SLC45A2: variants seen among roughly 807,000 people sequenced by gnomAD.
SLC45A2 encodes solute carrier family 45 member 2, also known as membrane-associated transporter protein.
A neutral mutation model predicts 45.5 loss-of-function variants in SLC45A2; 36 were observed. That is an observed-to-expected ratio of 0.79 (90% CI 0.61 to 1.04). SLC45A2 has a LOEUF of 1.04. Among genes scored for constraint, SLC45A2 ranks in the 50% least tolerant of loss-of-function variants. The pLI is 0.00. For synonymous variants in SLC45A2, 306 were observed against 269.3 expected, an observed-to-expected ratio of 1.14 and a Z score of -1.33; for missense variants, 719 against 671.0, an observed-to-expected ratio of 1.07 and a Z score of -0.79.
chr5:33,963,925 C>G lies in SLC45A2; in HGVS notation c.654G>C (p.Met218Ile). The G allele has an allele frequency of 1.9e-6, 3 of 1,614,172 alleles. No homozygotes were observed. The highest frequency in any genetic ancestry group is 1.6e-4 in the Middle Eastern group (1 of 6,062). Reference protein sequence around the residue: ...GRLLGTEFQVMFFFSALVLTL... With the variant: ...GRLLGTEFQVIFFFSALVLTL... ...TGAGCACCAATGCAGAGAAGAAGAACATGACCTGGAATTCTGTACCCAACA... is the reference window on the plus strand; with the variant it reads ...TGAGCACCAATGCAGAGAAGAAGAAGATGACCTGGAATTCTGTACCCAACA... The change falls in exon 3 of 7, where the codon ATG becomes ATC. Residue 218 changes from methionine (M) to isoleucine (I), a missense_variant. By Grantham distance (10) the Met-to-Ile change is conservative. Coordinates refer to ENST00000296589, the MANE Select transcript of SLC45A2 (RefSeq NM_016180.5).
At chr5:33,960,657 G>A (rs1752425777) in intron 3 of SLC45A2, among the ~76,000 whole-genome samples, 1 of 152,184 alleles carries the variant, frequency 6.6e-6, no homozygotes, top group South Asian at 2.1e-4. Context: ...ATTGGGTGCA[G>A]TGTGTACTGC....
chr5:33,971,111 C>T (rs1324413289), intron 2 of SLC45A2: 17 of 525,782 alleles, frequency 3.2e-5, no homozygotes, highest in Non-Finnish European at 2.7e-5. Flanking sequence ...TGGGAGTTGT[C>T]GTCGACAGCT....
chr5:33,971,296 G>A, intron 2 of SLC45A2: 1 of 522,446 alleles, frequency 1.9e-6, no homozygotes, highest in East Asian at 5.4e-5. Flanking sequence ...TGGGAATTGA[G>A]GGGTTACCAC....
At chr5:33,978,864 A>G (rs1753000248) in intron 2 of SLC45A2, among the ~76,000 whole-genome samples, 1 of 152,218 alleles carries the variant, frequency 6.6e-6, no homozygotes, top group African/African-American at 2.4e-5. Context: ...ACTTCTTCAA[A>G]TATTTTAATT....
chr5:33,947,230 A>G lies in SLC45A2; in HGVS notation c.1301T>C (p.Met434Thr), dbSNP rs1297747750. ...TLVLCSLFGV[M>T]SSTLYTVPFN... ...GGGCACAGTGTACAGGGTGCTGGAC[A>G]TTACACCAAACAGGCTGCACAGGAC... Residue 434 changes from methionine (M) to threonine (T), a missense_variant, in exon 6 of 7, where the codon ATG (methionine) becomes ACG (threonine). Coordinates refer to ENST00000296589, the MANE Select transcript of SLC45A2 (RefSeq NM_016180.5). 1.2e-6 allele frequency: 2 copies of G among 1,614,204 alleles called. No individual in the cohort carries two copies. Among genetic ancestry groups the G allele is most frequent in the Admixed American group, 1.7e-5 (1 of 60,026 alleles).
chr5:33,976,273 C>G (rs1752927092), intron 2 of SLC45A2, among the ~76,000 whole-genome samples: 2 of 152,156 alleles, frequency 1.3e-5, no homozygotes, highest in African/African-American at 4.8e-5. Context: ...CCAAAAAGAT[C>G]ATTAAAGTGC....
At chr5:33,967,486 G>A (rs1752633163) in intron 2 of SLC45A2, among the ~76,000 whole-genome samples, 1 of 152,186 alleles carries the variant, frequency 6.6e-6, no homozygotes, top group Non-Finnish European at 1.5e-5. Flanking sequence ...CACCAATGCT[G>A]CTGGGCCAAG....
chr5:33,947,402 C>T, intron 5 of SLC45A2, 28 bp from the exon 6 acceptor site: 1 of 1,588,104 alleles, frequency 6.3e-7, no homozygotes, highest in Non-Finnish European at 8.6e-7. Flanking sequence ...GGAGAAATTA[C>T]AGCTGGCAGT....
chr5:33,962,035 T>G (rs1362312889), intron 3 of SLC45A2, among the ~76,000 whole-genome samples: 2 of 152,248 alleles, frequency 1.3e-5, no homozygotes, highest in South Asian at 4.1e-4. Context: ...TAAGAAGACT[T>G]TCCCTTCCTA....
intron 2 of SLC45A2, chr5:33,970,769 A>G (rs938850761): frequency 3.9e-6 from 1 of 254,212 alleles, no homozygotes; most frequent in African/African-American, 2.2e-5. Context: ...AGTGGTGGTC[A>G]ATGAACAGGA....
chr5:33,972,492 GA>G, intron 2 of SLC45A2: 1 of 245,072 alleles, frequency 4.1e-6, no homozygotes. Flanking sequence ...GGAGACCTGA[GA>G]AATGCTTGTA....
At chr5:33,968,054 G>A (rs930807624) in intron 2 of SLC45A2, among the ~76,000 whole-genome samples, 25 of 151,684 alleles carry the variant, frequency 1.6e-4, no homozygotes, top group Non-Finnish European at 3.5e-4. Context: ...AGTACAACAC[G>A]ACATGCCAGG....
intron 2 of SLC45A2, among the ~76,000 whole-genome samples, chr5:33,973,868 G>A (rs1752852633): frequency 2.1e-5 from 1 of 47,962 alleles, no homozygotes; most frequent in African/African-American, 4.2e-5. Context: ...CCCTTGCAAG[G>A]TGGTTATTAA....
intron 2 of SLC45A2, among the ~76,000 whole-genome samples, chr5:33,976,058 C>A (rs920460307): frequency 6.6e-6 from 1 of 152,200 alleles, no homozygotes; most frequent in African/African-American, 2.4e-5. Context: ...CCAGCAGACA[C>A]GTACTCCCAG....
At chr5:33,951,710 A>C (rs1044147785) in intron 4 of SLC45A2, 33 bp from the exon 5 acceptor site, 3 of 1,613,918 alleles carry the variant, frequency 1.9e-6, no homozygotes, top group Non-Finnish European at 2.5e-6. Flanking sequence ...TTGAGGTACA[A>C]ATGCAATGTA....
chr5:33,951,529 A>G, intron 5 of SLC45A2, 25 bp downstream of exon 5: 2 of 1,614,026 alleles, frequency 1.2e-6, no homozygotes, highest in South Asian at 2.2e-5. Context: ...TTTAGAAGAC[A>G]TCCTTAGGAG....
At chr5:33,961,719 A>G (rs1752462657) in intron 3 of SLC45A2, among the ~76,000 whole-genome samples, 1 of 152,194 alleles carries the variant, frequency 6.6e-6, no homozygotes, top group East Asian at 1.9e-4. Flanking sequence ...GTTGATCGAC[A>G]GCGCTGAATG....
intron 3 of SLC45A2, among the ~76,000 whole-genome samples, chr5:33,958,609 T>C (rs1752345993): frequency 6.6e-6 from 1 of 152,180 alleles, no homozygotes; most frequent in African/African-American, 2.4e-5. Flanking sequence ...ATCAAACACT[T>C]GGGTTCAATG....
Position 33,984,677 on chromosome 5 carries a change from G to A in SLC45A2, c.-94C>T. 2 of 1,551,338 alleles carry A rather than the reference G, an allele frequency of 1.3e-6. No homozygotes were observed. Among genetic ancestry groups the A allele is most frequent in the Non-Finnish European group, 8.8e-7 (1 of 1,140,240 alleles). On this transcript the variant is annotated 5_prime_UTR_variant, in exon 1 of 7. Coordinates refer to ENST00000296589, the MANE Select transcript of SLC45A2 (RefSeq NM_016180.5). ...ACTGGATTTGACGTGGAGCCTGGCCGAGCAACCAACAGAGATGGTCAGGCT... is the reference window on the plus strand; with the variant it reads ...ACTGGATTTGACGTGGAGCCTGGCCAAGCAACCAACAGAGATGGTCAGGCT...
Sources: gnomAD v4.1 joint callset for allele counts (sites outside exome capture counted in the v4.1 genomes callset) on GRCh38, gnomAD v4.1.1 for gene constraint, MANE v1.5 for transcripts, NCBI Gene and HGNC (gene_info 2026-07-23, HGNC 2026-07-21) for gene names.